Variants in ITGA9 observed in about 807,000 individuals in gnomAD.
ITGA9 encodes the protein integrin subunit alpha 9.
ITGA9 carries 56 observed loss-of-function variants against 127.8 expected under a neutral mutation model. The ratio of observed to expected loss-of-function variants is 0.44; its 90% CI spans 0.35 to 0.55. The LOEUF (loss-of-function observed/expected upper bound fraction) is 0.55, where lower values mean the gene tolerates loss of function less well. Ranked by LOEUF, ITGA9 falls within the 20% of genes least tolerant of loss-of-function variation. The pLI is 0.00. For synonymous variants in ITGA9, 508 were observed against 514.5 expected (o/e 0.99, Z 0.17); for missense variants, 1,196 against 1,347.1 (o/e 0.89, Z 1.76).
At position 37,517,575 on chromosome 3, in the gene ITGA9, C is replaced by T; in HGVS notation, c.1107C>T (p.Ala369=). The T allele has an allele frequency of 6.3e-7, 1 of 1,594,142 alleles. No homozygotes were observed. The highest frequency in any genetic ancestry group is 8.5e-7 in the Non-Finnish European group (1 of 1,169,996). ...AYNAHFGESI[A]SLDDLDNDGF... Reference sequence around the variant, plus strand: ...ATGCGCACTTTGGAGAGAGCATTGCCAGCCTGGACGATCTGGACAATGATG... The same window carrying T: ...ATGCGCACTTTGGAGAGAGCATTGCTAGCCTGGACGATCTGGACAATGATG... Residue 369 remains alanine, a synonymous_variant, in exon 10 of 28, where the codon GCC becomes GCT. Coordinates refer to ENST00000264741, the MANE Select transcript of ITGA9 (RefSeq NM_002207.3).
intron 9 of ITGA9, among the ~76,000 whole-genome samples, chr3:37,516,197 G>A (rs1259783627): frequency 6.6e-6 from 1 of 152,150 alleles, no homozygotes; most frequent in Non-Finnish European, 1.5e-5. Context: ...ACCCTCCCCT[G>A]CCAACCAGTG....
intron 4 of ITGA9, among the ~76,000 whole-genome samples, chr3:37,485,514 A>C (rs571363389): frequency 1.3e-5 from 2 of 151,962 alleles, no homozygotes; most frequent in South Asian, 4.2e-4. Context: ...TATGGTGAGG[A>C]GCTCCCGAGA....
intron 17 of ITGA9, among the ~76,000 whole-genome samples, chr3:37,664,096 G>A (rs531840128): frequency 4.8e-4 from 73 of 152,308 alleles, no homozygotes; most frequent in Non-Finnish European, 8.2e-4. Flanking sequence ...GAAAGTTAAA[G>A]CTTGGAATGT....
At chr3:37,486,951 A>G (rs911906885) in intron 4 of ITGA9, among the ~76,000 whole-genome samples, 2 of 152,222 alleles carry the variant, frequency 1.3e-5, no homozygotes, top group Non-Finnish European at 2.9e-5. Flanking sequence ...GATCATTTCC[A>G]GGGAAGGAAA....
chr3:37,498,780 T>G (rs1335104601), intron 5 of ITGA9, among the ~76,000 whole-genome samples: 5 of 152,204 alleles, frequency 3.3e-5, no homozygotes, highest in African/African-American at 9.6e-5. Context: ...GGCCTCCGCT[T>G]CAGTTCCCAG....
chr3:37,551,778 G>A (rs1044610811), intron 15 of ITGA9, among the ~76,000 whole-genome samples: 2 of 152,052 alleles, frequency 1.3e-5, no homozygotes, highest in East Asian at 1.9e-4. Context: ...CCCACCTCCC[G>A]GACATACAGA....
chr3:37,757,158 A>T (rs1036889169), intron 23 of ITGA9, among the ~76,000 whole-genome samples: 4 of 151,928 alleles, frequency 2.6e-5, no homozygotes, highest in Non-Finnish European at 5.9e-5. Context: ...TGAAGGTATT[A>T]TTAAAGACAA....
intron 15 of ITGA9, among the ~76,000 whole-genome samples, chr3:37,558,834 G>A (rs1222545909): frequency 2.6e-5 from 4 of 152,176 alleles, no homozygotes; most frequent in Non-Finnish European, 4.4e-5. Context: ...CAGCTGCCGA[G>A]CTTTTTCCCC....
At chr3:37,590,386 G>A (rs548942676) in intron 15 of ITGA9, among the ~76,000 whole-genome samples, 21 of 152,182 alleles carry the variant, frequency 1.4e-4, no homozygotes, top group Non-Finnish European at 2.9e-4. Flanking sequence ...GTGGAGTAGA[G>A]CTGTGTGAGG....
At position 37,512,024 on chromosome 3, in the gene ITGA9, T is replaced by TTCCTTTC. The variant is rs1553643157; in HGVS notation, c.898-1738_898-1737insCCTTTCT. On this transcript the variant is annotated intron_variant, in intron 8 of 27. Transcript: ENST00000264741. ...TTTTCTTTTCTTTTCTTTTCTTTTC[T>TTCCTTTC]TTTCTTTCTTTCTTTCTTTCTTTCT... Among the ~76,000 whole-genome samples, 16 of 31,994 alleles carry TTCCTTTC rather than the reference T, an allele frequency of 5.0e-4. 1 individual carries two copies. The highest frequency in any genetic ancestry group is 1.6e-3 in the African/African-American group (16 of 10,102). 21.0% of individuals were successfully genotyped at this position (31,994 alleles called of 152,430 possible).
At chr3:37,631,108 A>T (rs1202143354) in intron 16 of ITGA9, among the ~76,000 whole-genome samples, 2 of 152,182 alleles carry the variant, frequency 1.3e-5, no homozygotes, top group Non-Finnish European at 2.9e-5. Flanking sequence ...CTGCTTTCTA[A>T]GGTCAAATCT....
intron 18 of ITGA9, among the ~76,000 whole-genome samples, chr3:37,698,575 A>G (rs1272360949): frequency 6.6e-6 from 1 of 152,182 alleles, no homozygotes; most frequent in Non-Finnish European, 1.5e-5. Context: ...TGTTTTCTCC[A>G]TTATCCTGAT....
chr3:37,780,062 C>T (rs754600736), intron 25 of ITGA9, 41 bp downstream of exon 25: 6 of 1,610,372 alleles, frequency 3.7e-6, no homozygotes, highest in Non-Finnish European at 5.1e-6. Context: ...CATTTAGAAG[C>T]ATTTGAATTG....
intron 23 of ITGA9, among the ~76,000 whole-genome samples, chr3:37,766,933 A>G (rs111813085): frequency 1.3e-5 from 2 of 152,236 alleles, no homozygotes; most frequent in African/African-American, 2.4e-5. Context: ...TTTAACTCCA[A>G]TAAAAGGCCA....
intron 15 of ITGA9, among the ~76,000 whole-genome samples, chr3:37,619,666 G>T (rs1230368981): frequency 6.6e-6 from 1 of 152,186 alleles, no homozygotes; most frequent in African/African-American, 2.4e-5. Flanking sequence ...CACAGTTTTT[G>T]TCAGTTAGGA....
chr3:37,729,993 C>T (rs1353546275), intron 18 of ITGA9, among the ~76,000 whole-genome samples: 1 of 152,154 alleles, frequency 6.6e-6, no homozygotes, highest in Non-Finnish European at 1.5e-5. Flanking sequence ...TGAGCCACAG[C>T]GCCCAGCCAA....
At chr3:37,576,282 G>A (rs1005407224) in intron 15 of ITGA9, among the ~76,000 whole-genome samples, 1 of 152,066 alleles carries the variant, frequency 6.6e-6, no homozygotes, top group Admixed American at 6.5e-5. Context: ...GCCTTGGCTT[G>A]GAGCAGCCTT....
intron 15 of ITGA9, among the ~76,000 whole-genome samples, chr3:37,604,290 G>A (rs1043462818): frequency 5.3e-5 from 8 of 152,352 alleles, no homozygotes; most frequent in East Asian, 3.9e-4. Context: ...GTAGTCATGA[G>A]TCGAATCTCC....
intron 22 of ITGA9, among the ~76,000 whole-genome samples, chr3:37,744,496 A>AG: frequency 6.6e-6 from 1 of 152,310 alleles, no homozygotes; most frequent in East Asian, 1.9e-4. Context: ...CAGTTTTATA[A>AG]GAACAGAGGA....
Sources: gnomAD v4.1 joint callset for allele counts (sites outside exome capture counted in the v4.1 genomes callset) on GRCh38, gnomAD v4.1.1 for gene constraint, MANE v1.5 for transcripts, NCBI Gene and HGNC (gene_info 2026-07-23, HGNC 2026-07-21) for gene names.